ANKS1B: variants seen among roughly 807,000 people sequenced by gnomAD.
ANKS1B encodes the protein ankyrin repeat and sterile alpha motif domain-containing protein 1B.
A neutral mutation model predicts 148.3 loss-of-function variants in ANKS1B; 36 were observed. The ratio of observed to expected loss-of-function variants is 0.24; its 90% CI spans 0.19 to 0.32. The LOEUF is 0.32. Ranked by LOEUF, ANKS1B falls within the 10% of genes least tolerant of loss-of-function variation. The pLI is 1.00. For synonymous variants in ANKS1B, 542 were observed against 560.8 expected (o/e 0.97, Z 0.47); for missense variants, 1,157 against 1,542.6 (o/e 0.75, Z 4.19).
downstream of ANKS1B, among the ~76,000 whole-genome samples, chr12:98,742,166 C>T (rs1232484807): frequency 1.3e-5 from 2 of 152,236 alleles, no homozygotes; most frequent in Non-Finnish European, 2.9e-5. Flanking sequence ...ACCCGCGCTC[C>T]TCCACTGTCT....
chr12:98,881,861 G>A (rs1202775251), intron 17 of ANKS1B, among the ~76,000 whole-genome samples: 1 of 152,106 alleles, frequency 6.6e-6, no homozygotes, highest in Non-Finnish European at 1.5e-5. Context: ...ACCAGTGTAA[G>A]TGACAGGAGG....
At chr12:99,899,624 A>G (rs11610063) in intron 1 of ANKS1B, among the ~76,000 whole-genome samples, 1 of 152,106 alleles carries the variant, frequency 6.6e-6, no homozygotes, top group African/African-American at 2.4e-5. Context: ...TTATTTCAAG[A>G]GGAAAAAAAG....
At chr12:99,323,504 G>T (rs1256311545) in intron 12 of ANKS1B, among the ~76,000 whole-genome samples, 1 of 152,108 alleles carries the variant, frequency 6.6e-6, no homozygotes, top group Non-Finnish European at 1.5e-5. Flanking sequence ...AGTACTGACT[G>T]GAATGCTTTT....
At chr12:99,433,801 T>G (rs1047679935) in intron 11 of ANKS1B, among the ~76,000 whole-genome samples, 1 of 152,098 alleles carries the variant, frequency 6.6e-6, no homozygotes, top group Non-Finnish European at 1.5e-5. Context: ...GGAGTGAAAG[T>G]AGACTGAGAA....
intron 12 of ANKS1B, among the ~76,000 whole-genome samples, chr12:99,354,082 A>G (rs1470338241): frequency 6.6e-6 from 1 of 152,096 alleles, no homozygotes; most frequent in Admixed American, 6.6e-5. Context: ...CAAAAATCTT[A>G]TGAACTAACT....
intron 9 of ANKS1B, among the ~76,000 whole-genome samples, chr12:99,569,601 G>A (rs10128989): frequency 0.013 from 2,004 of 152,324 alleles, 46 homozygotes; most frequent in African/African-American, 0.046. Context: ...GCTTCAGAGA[G>A]GAAGAGTTTA....
chr12:99,539,350 A>C (rs2097103376), intron 9 of ANKS1B, among the ~76,000 whole-genome samples: 1 of 152,192 alleles, frequency 6.6e-6, no homozygotes, highest in Admixed American at 6.5e-5. Context: ...CAACAATACA[A>C]ATAAGGGAGG....
chr12:98,913,994 G>T (rs1322600774), intron 17 of ANKS1B, among the ~76,000 whole-genome samples: 1 of 152,142 alleles, frequency 6.6e-6, no homozygotes, highest in South Asian at 2.1e-4. Flanking sequence ...AAATCCATGG[G>T]CTTATCTCTC....
chr12:99,103,714 AG>A (rs1243293698), intron 15 of ANKS1B, among the ~76,000 whole-genome samples: 1 of 152,152 alleles, frequency 6.6e-6, no homozygotes, highest in African/African-American at 2.4e-5. Flanking sequence ...AAACCCCTTA[AG>A]GGCAAGTAAA....
intron 17 of ANKS1B, among the ~76,000 whole-genome samples, chr12:98,839,379 C>CTATGTATG (rs1218519482): frequency 8.0e-6 from 1 of 124,226 alleles, no homozygotes; most frequent in East Asian, 3.1e-4. Context: ...ATGTAGGCAT[C>CTATGTATG]TATGTATGTA....
Position 99,527,569 on chromosome 12 carries a change from T to A in ANKS1B, c.1273-22928A>T, listed in dbSNP as rs150150048. ...AGCCATGGAGAGTTATATCTTACAA[T>A]TATCCCAGGTCATGTTGATGCAAAT... On this transcript the variant is annotated intron_variant, in intron 9 of 26. Transcript: ENST00000683438. Among the ~76,000 whole-genome samples the A allele has an allele frequency of 4.9e-3, 751 of 152,246 alleles. 9 individuals are homozygous for A. The highest frequency in any genetic ancestry group is 0.018 in the African/African-American group (733 of 41,546).
intron 17 of ANKS1B, among the ~76,000 whole-genome samples, chr12:98,943,778 T>C (rs1170784563): frequency 6.6e-6 from 1 of 152,240 alleles, no homozygotes; most frequent in Non-Finnish European, 1.5e-5. Flanking sequence ...TCTACCCTAA[T>C]ATATTCACAA....
intron 8 of ANKS1B, among the ~76,000 whole-genome samples, chr12:99,680,523 G>T (rs1185871659): frequency 6.6e-6 from 1 of 152,174 alleles, no homozygotes; most frequent in Non-Finnish European, 1.5e-5. Flanking sequence ...ACAGGGGTCT[G>T]TGGGAGGGCT....
chr12:99,099,459 C>A (rs924441569), intron 15 of ANKS1B, among the ~76,000 whole-genome samples: 1 of 152,174 alleles, frequency 6.6e-6, no homozygotes, highest in Admixed American at 6.5e-5. Flanking sequence ...CAGTGGGGCA[C>A]CTGTGCCCTG....
intron 8 of ANKS1B, among the ~76,000 whole-genome samples, chr12:99,768,054 A>G (rs541693320): frequency 6.6e-6 from 1 of 152,296 alleles, no homozygotes; most frequent in East Asian, 1.9e-4. Context: ...AACTAAGAAT[A>G]TAGGTAAAAT....
At chr12:99,592,815 T>C (rs1176709072) in intron 9 of ANKS1B, among the ~76,000 whole-genome samples, 1 of 151,974 alleles carries the variant, frequency 6.6e-6, no homozygotes, top group East Asian at 1.9e-4. Context: ...TTTATACATT[T>C]TAGGGAGACA....
intron 12 of ANKS1B, among the ~76,000 whole-genome samples, chr12:99,303,524 G>A (rs1300219761): frequency 6.6e-6 from 1 of 151,600 alleles, no homozygotes; most frequent in African/African-American, 2.4e-5. Context: ...ATCCTAGAGA[G>A]GTAGACAAAT....
intron 3 of ANKS1B, among the ~76,000 whole-genome samples, chr12:99,807,057 A>T (rs985514383): frequency 6.6e-6 from 1 of 152,170 alleles, no homozygotes; most frequent in Non-Finnish European, 1.5e-5. Flanking sequence ...AATAAGAGAG[A>T]TCAAAACAAT....
At chr12:99,855,645 T>C (rs944977475) in intron 1 of ANKS1B, among the ~76,000 whole-genome samples, 2 of 152,118 alleles carry the variant, frequency 1.3e-5, no homozygotes, top group African/African-American at 2.4e-5. Context: ...TTCTCCAAGA[T>C]AGGCCATATG....
Sources: allele counts gnomAD v4.1 joint callset (sites outside exome capture counted in the v4.1 genomes callset), GRCh38; gene constraint gnomAD v4.1.1; transcripts MANE v1.5; gene names NCBI Gene and HGNC (gene_info 2026-07-23, HGNC 2026-07-21).